CNTNAP2: variants seen among roughly 807,000 people sequenced by gnomAD.
The protein encoded by CNTNAP2 is contactin-associated protein-like 2.
A neutral mutation model predicts 155.2 loss-of-function variants in CNTNAP2; 98 were observed. The ratio of observed to expected loss-of-function variants is 0.63; its 90% confidence interval spans 0.54 to 0.75. CNTNAP2 has a LOEUF of 0.75. Among genes scored for constraint, CNTNAP2 ranks in the 30% least tolerant of loss-of-function variants. The pLI is 0.00. For synonymous variants in CNTNAP2, 651 were observed against 631.2 expected (o/e 1.03, Z -0.47); for missense variants, 1,727 against 1,688.1 (o/e 1.02, Z -0.40).
intron 16 of CNTNAP2, among the ~76,000 whole-genome samples, chr7:148,123,367 C>T (rs1233148921): frequency 1.3e-5 from 2 of 152,102 alleles, no homozygotes; most frequent in Admixed American, 6.6e-5. Context: ...GGGGGAGTAT[C>T]ACTTGAGCCC....
At chr7:146,133,192 T>A (rs951965331) in intron 1 of CNTNAP2, among the ~76,000 whole-genome samples, 59 of 152,314 alleles carry the variant, frequency 3.9e-4, no homozygotes, top group African/African-American at 1.4e-3. Flanking sequence ...CATGTGTTTT[T>A]TGTTTGCATA....
At chr7:146,564,061 G>T (rs117274073) in intron 1 of CNTNAP2, among the ~76,000 whole-genome samples, 195 of 152,238 alleles carry the variant, frequency 1.3e-3, no homozygotes, top group Admixed American at 2.9e-3. Context: ...CAAGGCTGGA[G>T]ATCCAAGTTC....
At chr7:147,735,400 T>C (rs1417160822) in intron 13 of CNTNAP2, among the ~76,000 whole-genome samples, 1 of 152,332 alleles carries the variant, frequency 6.6e-6, no homozygotes, top group East Asian at 1.9e-4. Flanking sequence ...TTTATTATAA[T>C]TTCTGTTCTT....
rs565575867 is a variant in CNTNAP2, at chr7:146,958,097, G to T, written c.403-85810G>T. Among the ~76,000 whole-genome samples, 4 of 152,230 alleles carry T rather than the reference G, an allele frequency of 2.6e-5. No individual in the cohort carries two copies. The East Asian group carries it at 5.8e-4, about 22-fold the overall frequency. On this transcript the variant is annotated intron_variant, in intron 3 of 23. Transcript: ENST00000361727. ...TCTACTGGATGGTACAATTAGAGAT[G>T]AATTAGGGAGGGACAAGAAACTAGC...
chr7:148,137,412 C>A (rs1305754736), intron 16 of CNTNAP2, among the ~76,000 whole-genome samples: 1 of 152,178 alleles, frequency 6.6e-6, no homozygotes, highest in Non-Finnish European at 1.5e-5. Flanking sequence ...GTAATCCCAG[C>A]ACTTTGGGAG....
intron 1 of CNTNAP2, among the ~76,000 whole-genome samples, chr7:146,383,474 C>T (rs935529296): frequency 4.6e-5 from 7 of 151,974 alleles, no homozygotes; most frequent in African/African-American, 1.5e-4. Context: ...TACCTTTCTG[C>T]ATTTACGTAT....
chr7:147,903,667 G>T lies in CNTNAP2; in HGVS notation c.2201G>T (p.Arg734Leu), dbSNP rs1060503570. Reference protein sequence around the residue: ...GIQKCACGIERNCTDPKYYCN... With the variant: ...GIQKCACGIELNCTDPKYYCN... ...CAGAAATGTGCCTGCGGCATCGAAC[G>T]CAACTGCACAGATCCCAAGTACTAC... Residue 734 changes from arginine (R) to leucine (L), a missense_variant, in exon 14 of 24, where the codon CGC becomes CTC. Transcript: ENST00000361727. 1 of 1,613,974 alleles carries T rather than the reference G, an allele frequency of 6.2e-7. No homozygotes were observed. Among genetic ancestry groups the T allele is most frequent in the Non-Finnish European group, 8.5e-7 (1 of 1,179,964 alleles).
chr7:147,392,949 A>C (rs1197221181), intron 9 of CNTNAP2, among the ~76,000 whole-genome samples: 1 of 152,022 alleles, frequency 6.6e-6, no homozygotes, highest in Non-Finnish European at 1.5e-5. Flanking sequence ...ATTATGTGTC[A>C]CCTTAAAATT....
At chr7:146,670,126 A>T (rs963360935) in intron 1 of CNTNAP2, among the ~76,000 whole-genome samples, 6 of 152,176 alleles carry the variant, frequency 3.9e-5, no homozygotes, top group African/African-American at 1.2e-4. Flanking sequence ...TAAGAAGCTA[A>T]TATTTTAGGA....
intron 12 of CNTNAP2, among the ~76,000 whole-genome samples, chr7:147,583,469 G>A (rs1325179816): frequency 3.6e-5 from 5 of 137,192 alleles, no homozygotes; most frequent in Admixed American, 3.0e-4. Flanking sequence ...ATACCATTCT[G>A]CTCATTTCTT....
intron 12 of CNTNAP2, among the ~76,000 whole-genome samples, chr7:147,567,851 C>T: frequency 6.6e-6 from 1 of 152,084 alleles, no homozygotes; most frequent in East Asian, 1.9e-4. Flanking sequence ...TTTGGGAGGC[C>T]AAGGTGGGTG....
intron 21 of CNTNAP2, among the ~76,000 whole-genome samples, chr7:148,316,977 A>G (rs1797701214): frequency 6.6e-6 from 1 of 152,244 alleles, no homozygotes; most frequent in African/African-American, 2.4e-5. Flanking sequence ...CCACGGGGTC[A>G]TTAAAAACTC....
chr7:148,124,228 A>C (rs1804665435), intron 16 of CNTNAP2, among the ~76,000 whole-genome samples: 1 of 152,160 alleles, frequency 6.6e-6, no homozygotes, highest in African/African-American at 2.4e-5. Flanking sequence ...GCCCACTAGG[A>C]AGTGCCTTTC....
chr7:147,376,715 C>T (rs546772846), intron 9 of CNTNAP2, among the ~76,000 whole-genome samples: 92 of 151,950 alleles, frequency 6.1e-4, no homozygotes, highest in Admixed American at 1.8e-3. Flanking sequence ...ACCATTATTT[C>T]CTCTATTTTA....
intron 16 of CNTNAP2, among the ~76,000 whole-genome samples, chr7:148,126,265 C>T (rs571674701): frequency 1.1e-4 from 16 of 152,258 alleles, no homozygotes; most frequent in Admixed American, 5.9e-4. Flanking sequence ...GCGAGGGTTA[C>T]GGAACATTAG....
At chr7:146,716,389 A>G (rs1801189716) in intron 1 of CNTNAP2, among the ~76,000 whole-genome samples, 1 of 151,854 alleles carries the variant, frequency 6.6e-6, no homozygotes, top group Admixed American at 6.6e-5. Context: ...ACTCAAAACA[A>G]AACAACTTGA....
intron 1 of CNTNAP2, among the ~76,000 whole-genome samples, chr7:146,508,712 C>G (rs1253780679): frequency 1.3e-5 from 2 of 152,202 alleles, no homozygotes; most frequent in Non-Finnish European, 2.9e-5. Context: ...GCTGGAGCAT[C>G]TGGGTGGGAC....
chr7:146,224,443 A>AC (rs1409961195), intron 1 of CNTNAP2, among the ~76,000 whole-genome samples: 7 of 151,304 alleles, frequency 4.6e-5, no homozygotes, highest in African/African-American at 1.2e-4. Context: ...AAAAAAAAAA[A>AC]AACCCAAAAA....
chr7:147,730,445 C>A (rs1584924568), intron 13 of CNTNAP2, among the ~76,000 whole-genome samples: 2 of 152,004 alleles, frequency 1.3e-5, no homozygotes, highest in South Asian at 4.1e-4. Flanking sequence ...ATTATTATAT[C>A]TGTTATGGTG....
Sources: allele counts gnomAD v4.1 joint callset (sites outside exome capture counted in the v4.1 genomes callset), GRCh38; gene constraint gnomAD v4.1.1; transcripts MANE v1.5; gene names NCBI Gene and HGNC (gene_info 2026-07-23, HGNC 2026-07-21).